The following SERPINA3 variants were observed in gnomAD, a reference collection of about 807,000 sequenced individuals.
SERPINA3 encodes the protein serpin family A member 3, also known as alpha-1-antichymotrypsin.
SERPINA3 carries 32 observed loss-of-function variants against 26.8 expected under a neutral mutation model. The ratio of observed to expected loss-of-function variants is 1.20; its 90% confidence interval spans 0.90 to 1.61. The LOEUF (loss-of-function observed/expected upper bound fraction) is 1.61, where lower values mean the gene tolerates loss of function less well. SERPINA3 is among the 40% of genes most tolerant of loss of function. The probability of loss-of-function intolerance (pLI) is 0.00; values close to 1 mark genes in which losing one functional copy is unlikely to be tolerated. For missense variants in SERPINA3, 632 were observed against 517.9 expected, an observed-to-expected ratio of 1.22 and a Z score of -2.14; for synonymous variants, 252 against 206.4, an observed-to-expected ratio of 1.22 and a Z score of -1.89.
intron 2 of SERPINA3, among the ~76,000 whole-genome samples, chr14:94,617,467 C>A (rs751305180): frequency 6.6e-6 from 1 of 152,042 alleles, no homozygotes; most frequent in Admixed American, 6.6e-5. Flanking sequence ...GAAAGAAAAA[C>A]CAAAATAAAG....
chr14:94,620,770 C>T (rs968938175), intron 3 of SERPINA3, among the ~76,000 whole-genome samples: 21 of 152,028 alleles, frequency 1.4e-4, no homozygotes, highest in African/African-American at 4.6e-4. Context: ...TTGAGCTGAC[C>T]GATTTCATGG....
At chr14:94,615,361 G>A (rs571061114) in intron 2 of SERPINA3, among the ~76,000 whole-genome samples, 1 of 152,344 alleles carries the variant, frequency 6.6e-6, no homozygotes, top group East Asian at 1.9e-4. Flanking sequence ...AAACTTGTCC[G>A]GCAAACAGAA....
intron 2 of SERPINA3, among the ~76,000 whole-genome samples, chr14:94,616,632 A>C (rs1294580855): frequency 6.6e-6 from 1 of 152,188 alleles, no homozygotes; most frequent in African/African-American, 2.4e-5. Flanking sequence ...CTATGTATTC[A>C]GCTGAAAGTA....
chr14:94,621,775 C>T (rs1886211297), intron 3 of SERPINA3, among the ~76,000 whole-genome samples: 1 of 152,200 alleles, frequency 6.6e-6, no homozygotes, highest in Non-Finnish European at 1.5e-5. Flanking sequence ...CCTGGCCCAC[C>T]TCATCCCTCA....
At chr14:94,623,492 C>A in intron 4 of SERPINA3, 119 bp from the exon 5 acceptor site, 1 of 931,606 alleles carries the variant, frequency 1.1e-6, no homozygotes, top group Non-Finnish European at 1.7e-6. Flanking sequence ...TTCAACAGCA[C>A]AAAGACAGGC....
rs375453960 is a variant in SERPINA3, at chr14:94,614,116, C to G, written c.-8-318C>G. ...TCGGACCCCCCATCAGCTTACAGAC[C>G]GAGGAGCCAGGCAAACCTGGCTGCC... On this transcript the variant is annotated intron_variant, in intron 1 of 4. Coordinates refer to ENST00000393078, the MANE Select transcript of SERPINA3 (RefSeq NM_001085.5). 8.0e-6 allele frequency: 3 copies of G among 373,092 alleles called. No individual in the cohort carries two copies. In the South Asian group the frequency reaches 8.6e-5, roughly 11 times the overall value. 23.1% of individuals were successfully genotyped at this position (373,092 alleles called of 1,614,324 possible). A position where few individuals can be genotyped will look rare whatever the true frequency, so the allele number is the denominator to read the frequency against.
At chr14:94,616,021 C>T (rs940924250) in intron 2 of SERPINA3, among the ~76,000 whole-genome samples, 5 of 152,190 alleles carry the variant, frequency 3.3e-5, no homozygotes, top group Non-Finnish European at 7.3e-5. Context: ...GCCACTTCCC[C>T]TCCTGGGCCT....
Position 94,612,961 on chromosome 14 carries a change from A to T in SERPINA3, c.-9+514A>T, listed in dbSNP as rs578240320. Among the ~76,000 whole-genome samples the T allele has an allele frequency of 3.3e-5, 5 of 152,370 alleles. No homozygotes were observed. In the East Asian group the frequency reaches 7.7e-4, roughly 23 times the overall value. On this transcript the variant is annotated intron_variant, in intron 1 of 4. Transcript: ENST00000393078. ...CTGTGTCTCTGTCCAGCAACAGAAA[A>T]GACAAACTGCTGGGAAACAGCCAGC...
intron 2 of SERPINA3, 119 bp from the exon 3 acceptor site, chr14:94,619,076 T>C: frequency 8.4e-7 from 1 of 1,195,726 alleles, no homozygotes; most frequent in Non-Finnish European, 1.2e-6. Context: ...GCTACTTCTC[T>C]AAACCAAAGC....
Position 94,614,625 on chromosome 14 carries a change from A to C in SERPINA3, c.184A>C (p.Lys62Gln). ...ANVDFAFSLY[K>Q]QLVLKAPDKN... ...CGTGGACTTCGCTTTCAGCCTGTAC[A>C]AGCAGTTAGTCCTGAAGGCCCCTGA... The change falls in exon 2 of 5, where the codon AAG becomes CAG. Residue 62 changes from lysine to glutamine, a missense_variant. Transcript: ENST00000393078. The C allele has an allele frequency of 6.2e-7, 1 of 1,614,046 alleles. No individual in the cohort carries two copies. The highest frequency in any genetic ancestry group is 8.5e-7 in the Non-Finnish European group (1 of 1,180,010).
chr14:94,619,647 A>G (rs1886129859), intron 3 of SERPINA3, 179 bp downstream of exon 3: 1 of 714,866 alleles, frequency 1.4e-6, no homozygotes, highest in Non-Finnish European at 2.4e-6. Flanking sequence ...TCTTTAAGAC[A>G]ATGACATCAG....
intron 2 of SERPINA3, chr14:94,618,906 C>T: frequency 1.9e-6 from 1 of 522,428 alleles, no homozygotes; most frequent in Non-Finnish European, 3.5e-6. Flanking sequence ...CCTCTTTCCC[C>T]CACTTTCCCT....
chr14:94,616,661 A>T (rs1296944966), intron 2 of SERPINA3, among the ~76,000 whole-genome samples: 2 of 152,178 alleles, frequency 1.3e-5, no homozygotes, highest in African/African-American at 4.8e-5. Context: ...GGGGCATCCA[A>T]CCAGGGGCAG....
At chr14:94,613,256 A>T (rs1595093171) in intron 1 of SERPINA3, 1 of 119,518 alleles carries the variant, frequency 8.4e-6, no homozygotes, top group South Asian at 2.7e-4. Context: ...TCCTCTCTCT[A>T]CCCCTCTCCC....
At chr14:94,616,454 G>A (rs114430722) in intron 2 of SERPINA3, among the ~76,000 whole-genome samples, 3 of 152,282 alleles carry the variant, frequency 2.0e-5, no homozygotes, top group African/African-American at 7.2e-5. Flanking sequence ...CACTGCTGGG[G>A]CAGCCCTGTG....
intron 1 of SERPINA3, among the ~76,000 whole-genome samples, chr14:94,612,741 C>T (rs1257138797): frequency 7.2e-5 from 11 of 152,208 alleles, no homozygotes; most frequent in Non-Finnish European, 1.5e-4. Context: ...AGCTGTGCAT[C>T]TGACCCTCAG....
At chr14:94,622,972 C>T (rs781178336) in intron 4 of SERPINA3, among the ~76,000 whole-genome samples, 20 of 152,320 alleles carry the variant, frequency 1.3e-4, no homozygotes, top group African/African-American at 3.6e-4. Flanking sequence ...AAAGCAGAGG[C>T]GCCAAGGCAG....
chr14:94,619,096 C>T, intron 2 of SERPINA3, 99 bp from the exon 3 acceptor site: 1 of 1,393,932 alleles, frequency 7.2e-7, no homozygotes, highest in Non-Finnish European at 1.0e-6. Flanking sequence ...CAGGGTCCCT[C>T]CTATGAGGGA....
At chr14:94,622,703 T>C in intron 4 of SERPINA3, 1 of 614,234 alleles carries the variant, frequency 1.6e-6, no homozygotes, top group Non-Finnish European at 2.9e-6. Flanking sequence ...TACAACATAA[T>C]GTCATCCAGG....
Sources: allele counts gnomAD v4.1 joint callset (sites outside exome capture counted in the v4.1 genomes callset), GRCh38; gene constraint gnomAD v4.1.1; transcripts MANE v1.5; gene names NCBI Gene and HGNC (gene_info 2026-07-23, HGNC 2026-07-21).